Variants in DNAL1 observed in about 807,000 individuals in gnomAD.
DNAL1 encodes chromosome 14 open reading frame 168.
DNAL1 carries 17 observed loss-of-function variants against 29.4 expected under a neutral mutation model. The ratio of observed to expected loss-of-function variants is 0.58; its 90% CI spans 0.40 to 0.87. DNAL1 has a LOEUF of 0.87. DNAL1 is among the 40% of genes least tolerant of loss of function. DNAL1 has a pLI of 0.00. For synonymous variants in DNAL1, 78 were observed against 76.3 expected, an observed-to-expected ratio of 1.02 and a Z score of -0.12; for missense variants, 188 against 214.1, an observed-to-expected ratio of 0.88 and a Z score of 0.76.
chr14:73,688,052 G>A (rs1892065534), intron 6 of DNAL1, among the ~76,000 whole-genome samples: 1 of 151,962 alleles, frequency 6.6e-6, no homozygotes, highest in African/African-American at 2.4e-5. Context: ...TAATCTGATA[G>A]GTCCTGGTCC....
In DNAL1 at chr14:73,699,287, C is replaced by G. The variant is rs1308609915; in HGVS notation, c.*3345C>G. ...AATCATGGATGGAAAGAAATGGTCACTGGTATTTTTTGTAATGCTCATTTT... is the reference window on the plus strand; with the variant it reads ...AATCATGGATGGAAAGAAATGGTCAGTGGTATTTTTTGTAATGCTCATTTT... On this transcript the variant is annotated 3_prime_UTR_variant, in exon 8 of 8. Coordinates refer to ENST00000553645, the MANE Select transcript of DNAL1 (RefSeq NM_031427.4). The G allele has an allele frequency of 6.6e-6, 1 of 151,490 alleles. No homozygotes were observed. Among genetic ancestry groups the G allele is most frequent in the Non-Finnish European group, 1.5e-5 (1 of 67,944 alleles). 9.4% of individuals were successfully genotyped at this position (151,490 alleles called of 1,614,324 possible).
intron 7 of DNAL1, among the ~76,000 whole-genome samples, chr14:73,691,327 A>G (rs903891394): frequency 6.6e-6 from 1 of 152,218 alleles, no homozygotes; most frequent in South Asian, 2.1e-4. Context: ...AGGTGGGAGG[A>G]TCACTTGAGG....
intron 5 of DNAL1, among the ~76,000 whole-genome samples, chr14:73,679,205 C>T (rs761475389): frequency 6.6e-5 from 10 of 152,152 alleles, no homozygotes; most frequent in Non-Finnish European, 1.0e-4. Flanking sequence ...CCATATTGGC[C>T]GTGCTGGTCT....
At chr14:73,683,643 G>T (rs777101177) in intron 5 of DNAL1, among the ~76,000 whole-genome samples, 1 of 150,218 alleles carries the variant, frequency 6.7e-6, no homozygotes, top group Admixed American at 6.7e-5. Context: ...CCAGTCTCTG[G>T]TAACTACTGT....
chr14:73,662,415 C>A (rs2878626), intron 4 of DNAL1, among the ~76,000 whole-genome samples: 44,711 of 151,962 alleles, frequency 0.29, 6,862 homozygotes, highest in Middle Eastern at 0.42. Context: ...AATGACATTG[C>A]CTCCCTCCCA....
intron 4 of DNAL1, among the ~76,000 whole-genome samples, chr14:73,666,799 A>G (rs1001341886): frequency 6.6e-6 from 1 of 152,154 alleles, no homozygotes; most frequent in African/African-American, 2.4e-5. Flanking sequence ...ATTTTTTGAT[A>G]CGGATGATTT....
chr14:73,687,116 CT>C (rs1395160149), intron 5 of DNAL1, 142 bp from the exon 6 acceptor site: 29 of 923,716 alleles, frequency 3.1e-5, no homozygotes, highest in Non-Finnish European at 4.1e-5. Context: ...AAAAAAAAAC[CT>C]CCCACACAAC....
intron 4 of DNAL1, among the ~76,000 whole-genome samples, chr14:73,670,551 T>G (rs997497413): frequency 2.6e-5 from 4 of 152,086 alleles, no homozygotes; most frequent in African/African-American, 7.2e-5. Context: ...GCACCTGGTT[T>G]TATTCAAATG....
intron 1 of DNAL1, among the ~76,000 whole-genome samples, chr14:73,653,395 A>G (rs1891149712): frequency 6.6e-6 from 1 of 152,192 alleles, no homozygotes; most frequent in Admixed American, 6.5e-5. Context: ...CCTGTTGCCC[A>G]GGCTGGAATG....
intron 1 of DNAL1, among the ~76,000 whole-genome samples, chr14:73,649,573 C>T (rs181743227): frequency 1.6e-4 from 25 of 152,148 alleles, no homozygotes; most frequent in African/African-American, 2.2e-4. Flanking sequence ...TGAGCCACCG[C>T]GCCCGGGCTG....
In DNAL1 at chr14:73,653,150, GT is replaced by G. The variant is rs1272418880; in HGVS notation, c.4-1695del. ...CAAATAAAGGATTCAAACTCATTCA[GT>G]TCTGGTTTGTTGATACAGCTGGGCC... On this transcript the variant is annotated intron_variant, in intron 1 of 7. Transcript: ENST00000553645. The G allele has an allele frequency of 3.3e-5, 5 of 152,298 alleles. No individual in the cohort carries two copies. The East Asian group carries it at 9.6e-4, about 29-fold the overall frequency. The allele number at this position is 152,298 out of a possible 1,614,324, so 9.4% of individuals were successfully genotyped here. A position where few individuals can be genotyped will look rare whatever the true frequency, so the allele number is the denominator to read the frequency against.
chr14:73,656,392 T>TA (rs1180295064), intron 2 of DNAL1, among the ~76,000 whole-genome samples: 2 of 151,866 alleles, frequency 1.3e-5, no homozygotes, highest in African/African-American at 4.8e-5. Flanking sequence ...TTTTGGCTGG[T>TA]AGAGTCTATT....
intron 5 of DNAL1, among the ~76,000 whole-genome samples, chr14:73,675,661 A>G (rs796231964): frequency 7.9e-5 from 12 of 152,172 alleles, no homozygotes; most frequent in African/African-American, 2.9e-4. Flanking sequence ...TATATATAGT[A>G]GACACTCTGT....
intron 5 of DNAL1, among the ~76,000 whole-genome samples, chr14:73,683,485 T>G (rs8005381): frequency 6.6e-6 from 1 of 152,076 alleles, no homozygotes; most frequent in African/African-American, 2.4e-5. Flanking sequence ...GATGAAATGT[T>G]ATGCATTGCA....
intron 5 of DNAL1, among the ~76,000 whole-genome samples, chr14:73,680,331 T>C (rs1219023974): frequency 1.3e-5 from 2 of 152,180 alleles, no homozygotes; most frequent in African/African-American, 4.8e-5. Context: ...TCTTTGTCCA[T>C]GTATGAAAAA....
intron 4 of DNAL1, among the ~76,000 whole-genome samples, chr14:73,665,001 CCTA>C (rs1165378877): frequency 6.6e-6 from 1 of 151,974 alleles, no homozygotes; most frequent in African/African-American, 2.4e-5. Context: ...ATAATAATTA[CCTA>C]TCATATAATT....
chr14:73,684,739 A>T (rs1387932609), intron 5 of DNAL1, among the ~76,000 whole-genome samples: 3 of 152,016 alleles, frequency 2.0e-5, no homozygotes, highest in Admixed American at 2.0e-4. Context: ...TACAAAAAAA[A>T]ATTTTTTTAA....
rs923467600 is a variant in DNAL1 at position 73,689,322 on chromosome 14, G to T, written c.392-53G>T. ...TCTGGGATTACAGGCGTGGACCACC[G>T]CACCCGGCCAAAACTTAGTGTTTTA... On this transcript the variant is annotated intron_variant, in intron 6 of 7. Transcript: ENST00000553645. 1.9e-6 allele frequency: 3 copies of T among 1,544,896 alleles called. No individual in the cohort carries two copies. The South Asian group carries it at 3.6e-5, about 18-fold the overall frequency.
intron 5 of DNAL1, among the ~76,000 whole-genome samples, chr14:73,672,204 T>C (rs994581806): frequency 6.6e-6 from 1 of 152,210 alleles, no homozygotes; most frequent in Non-Finnish European, 1.5e-5. Flanking sequence ...AGGTGCAATT[T>C]TGGAATTATC....
Sources: allele counts gnomAD v4.1 joint callset (sites outside exome capture counted in the v4.1 genomes callset), GRCh38; gene constraint gnomAD v4.1.1; transcripts MANE v1.5; gene names NCBI Gene and HGNC (gene_info 2026-07-23, HGNC 2026-07-21).